Variants in WDFY4 observed in about 807,000 individuals in gnomAD.
The protein encoded by WDFY4 is WDFY family member 4, also known as WD repeat- and FYVE domain-containing protein 4.
WDFY4 carries 169 observed loss-of-function variants against 351.9 expected under a neutral mutation model. The ratio of observed to expected loss-of-function variants is 0.48; its 90% CI spans 0.42 to 0.55. The LOEUF (loss-of-function observed/expected upper bound fraction) is 0.55, where lower values mean the gene tolerates loss of function less well. Among genes scored for constraint, WDFY4 ranks in the 20% least tolerant of loss-of-function variants. WDFY4 has a pLI of 0.00. For synonymous variants in WDFY4, 1,622 were observed against 1,574.6 expected, an observed-to-expected ratio of 1.03 and a Z score of -0.71; for missense variants, 3,803 against 3,935.6, an observed-to-expected ratio of 0.97 and a Z score of 0.90.
At chr10:48,691,890 T>C (rs2063205506) in intron 1 of WDFY4, among the ~76,000 whole-genome samples, 2 of 151,884 alleles carry the variant, frequency 1.3e-5, no homozygotes, top group Non-Finnish European at 2.9e-5. Context: ...CCAGGGAGAG[T>C]GGCCCTGTGT....
chr10:48,719,002 AAG>A (rs1372746803), intron 2 of WDFY4, among the ~76,000 whole-genome samples: 1 of 152,218 alleles, frequency 6.6e-6, no homozygotes, highest in Non-Finnish European at 1.5e-5. Context: ...GAAACTGAAA[AAG>A]AGATTAAAAA....
intron 40 of WDFY4, among the ~76,000 whole-genome samples, chr10:48,868,501 G>A (rs1317970214): frequency 6.6e-6 from 1 of 152,158 alleles, no homozygotes; most frequent in African/African-American, 2.4e-5. Flanking sequence ...GCACAGCTGG[G>A]TAGGGTGTCT....
chr10:48,832,279 G>A (rs1451358040), intron 38 of WDFY4, among the ~76,000 whole-genome samples: 1 of 152,220 alleles, frequency 6.6e-6, no homozygotes, highest in African/African-American at 2.4e-5. Flanking sequence ...TTCACAGGAT[G>A]AGAAAACTGA....
intron 39 of WDFY4, among the ~76,000 whole-genome samples, chr10:48,835,435 G>A (rs969790014): frequency 6.6e-6 from 1 of 152,208 alleles, no homozygotes; most frequent in Non-Finnish European, 1.5e-5. Context: ...ATGGCACTGA[G>A]GTGCATGTGT....
At chr10:48,932,734 G>T (rs1200288754) in intron 47 of WDFY4, 1 of 152,114 alleles carries the variant, frequency 6.6e-6, no homozygotes, top group Non-Finnish European at 1.5e-5. Context: ...AATAGCTGAT[G>T]ATGTGACAGA....
chr10:48,741,111 T>A (rs1208072084), intron 11 of WDFY4, among the ~76,000 whole-genome samples: 1 of 150,946 alleles, frequency 6.6e-6, no homozygotes, highest in Admixed American at 6.6e-5. Context: ...GGCTGCTGTT[T>A]CTCTTCATCT....
rs571478842 is a variant in WDFY4 at position 48,831,315 on chromosome 10, C to A, written c.6526+430C>A. On this transcript the variant is annotated intron_variant, in intron 38 of 61. Coordinates refer to ENST00000325239, the MANE Select transcript of WDFY4 (RefSeq NM_001394531.1). ...TTTCATCCCCAAAATATTAATGTCC[C>A]TTGCATTCTATTCTGTTAGTGACCT... Among the ~76,000 whole-genome samples the A allele has an allele frequency of 3.3e-5, 5 of 152,330 alleles. No homozygotes were observed. In the East Asian group the frequency reaches 9.6e-4, roughly 29 times the overall value.
chr10:48,955,783 G>T (rs943601760), intron 51 of WDFY4, among the ~76,000 whole-genome samples: 1 of 152,200 alleles, frequency 6.6e-6, no homozygotes, highest in African/African-American at 2.4e-5. Flanking sequence ...TGCCCCCAAG[G>T]CTTCCTTGGG....
intron 9 of WDFY4, among the ~76,000 whole-genome samples, chr10:48,732,889 G>T (rs2064514332): frequency 6.6e-6 from 1 of 152,212 alleles, no homozygotes; most frequent in African/African-American, 2.4e-5. Flanking sequence ...TTGCAAATAG[G>T]ATCAGGACTG....
At position 48,731,618 on chromosome 10, in the gene WDFY4, C is replaced by T. The variant is rs564442949; in HGVS notation, c.1582+56C>T. ...AGGGGTCAGTGTCAGCCAGGCCTGA[C>T]CTTTGGGCCAATCTGGCTGCCCATC... is the stretch of plus-strand genomic sequence containing the variant. On this transcript the variant is annotated intron_variant, in intron 9 of 61. Transcript: ENST00000325239. 1.5e-5 allele frequency: 23 copies of T among 1,490,144 alleles called. No homozygotes were observed. In the South Asian group the frequency reaches 2.4e-4, roughly 15 times the overall value. 92.3% of individuals were successfully genotyped at this position (1,490,144 alleles called of 1,614,324 possible).
chr10:48,878,014 C>T (rs1367215440), intron 43 of WDFY4: 2 of 152,342 alleles, frequency 1.3e-5, no homozygotes, highest in East Asian at 3.8e-4. Context: ...GTTTTCTCAT[C>T]TTTAATGTGG....
chr10:48,820,947 C>T (rs571444641), intron 33 of WDFY4, 115 bp from the exon 34 acceptor site: 8 of 718,014 alleles, frequency 1.1e-5, no homozygotes, highest in Admixed American at 1.1e-4. Context: ...TTGTGAGCAG[C>T]CCACACTGCT....
At chr10:48,792,873 G>T (rs2066729540) in intron 23 of WDFY4, among the ~76,000 whole-genome samples, 1 of 152,186 alleles carries the variant, frequency 6.6e-6, no homozygotes, top group African/African-American at 2.4e-5. Flanking sequence ...TAGTCCTGGG[G>T]ATGGTGGGTG....
At position 48,899,487 on chromosome 10, in the gene WDFY4, C is replaced by T. The variant is rs182738123; in HGVS notation, c.7438-734C>T. Among the ~76,000 whole-genome samples the T allele has an allele frequency of 3.8e-3, 571 of 152,214 alleles. 3 individuals are homozygous for T. The highest frequency in any genetic ancestry group is 0.012 in the African/African-American group (513 of 41,532). ...TCTGAGTCTGAATCTTACCCCACCC[C>T]ATCCTTCCCTCCATGTACAGGTCTC... is the stretch of plus-strand genomic sequence containing the variant. On this transcript the variant is annotated intron_variant, in intron 45 of 61. Transcript: ENST00000325239.
intron 39 of WDFY4, among the ~76,000 whole-genome samples, chr10:48,838,543 A>G (rs774422340): frequency 6.6e-6 from 1 of 152,182 alleles, no homozygotes; most frequent in Non-Finnish European, 1.5e-5. Context: ...ATCCCCTCTG[A>G]GCACTTCACC....
chr10:48,975,050 C>T lies in WDFY4; in HGVS notation c.9108+9C>T. On this transcript the variant is annotated intron_variant, in intron 58 of 61. Coordinates refer to ENST00000325239, the MANE Select transcript of WDFY4 (RefSeq NM_001394531.1). ...CCATCAGTGACGTCTCAGTAAGTCT[C>T]CTGTTTCTCAGTGTCCGTGTCCTCA... 1 of 1,551,750 alleles carries T rather than the reference C, an allele frequency of 6.4e-7. No individual in the cohort carries two copies. Among genetic ancestry groups the T allele is most frequent in the Non-Finnish European group, 8.7e-7 (1 of 1,147,016 alleles).
intron 2 of WDFY4, among the ~76,000 whole-genome samples, chr10:48,710,720 A>G (rs2132212094): frequency 6.6e-6 from 1 of 152,356 alleles, no homozygotes; most frequent in South Asian, 2.1e-4. Flanking sequence ...AATTGTGACA[A>G]TAATGCAAAG....
At chr10:48,797,944 G>A (rs566046624) in intron 24 of WDFY4, among the ~76,000 whole-genome samples, 19 of 152,328 alleles carry the variant, frequency 1.2e-4, no homozygotes, top group African/African-American at 4.6e-4. Context: ...GAAGCAGGGA[G>A]ATGGGTCATG....
chr10:48,856,039 T>C (rs989351938), intron 39 of WDFY4, among the ~76,000 whole-genome samples: 6 of 152,142 alleles, frequency 3.9e-5, no homozygotes, highest in Non-Finnish European at 8.8e-5. Context: ...GGAGAGACTA[T>C]TGTAACTATA....
Sources: allele counts gnomAD v4.1 joint callset (sites outside exome capture counted in the v4.1 genomes callset), GRCh38; gene constraint gnomAD v4.1.1; transcripts MANE v1.5; gene names NCBI Gene and HGNC (gene_info 2026-07-23, HGNC 2026-07-21).